The following RBM19 variants were observed in gnomAD, a reference collection of about 807,000 sequenced individuals.
RBM19 encodes RNA binding motif protein 19.
Under a neutral mutation model 116.8 loss-of-function variants are expected in RBM19, and 94 were observed. The observed-to-expected ratio is 0.80, with a 90% confidence interval of 0.68 to 0.95. The LOEUF is 0.95. Ranked by LOEUF, RBM19 falls within the 40% of genes least tolerant of loss-of-function variation. The pLI is 0.00. For missense variants in RBM19, 1,161 were observed against 1,220.7 expected, an observed-to-expected ratio of 0.95 and a Z score of 0.73; for synonymous variants, 475 against 494.1, an observed-to-expected ratio of 0.96 and a Z score of 0.51.
chr12:113,842,348 A>C (rs1028889692), intron 23 of RBM19, among the ~76,000 whole-genome samples: 1 of 152,226 alleles, frequency 6.6e-6, no homozygotes, highest in African/African-American at 2.4e-5. Flanking sequence ...AGAGTCCCTT[A>C]CACAAACATT....
intron 23 of RBM19, among the ~76,000 whole-genome samples, chr12:113,842,250 A>G (rs914914534): frequency 6.6e-6 from 1 of 152,158 alleles, no homozygotes; most frequent in Non-Finnish European, 1.5e-5. Context: ...AAGGCAGGGC[A>G]GAACCGCTGA....
At chr12:113,907,229 C>A (rs1038013306) in intron 21 of RBM19, among the ~76,000 whole-genome samples, 2 of 152,172 alleles carry the variant, frequency 1.3e-5, no homozygotes, top group African/African-American at 2.4e-5. Flanking sequence ...GTCTTCAGAA[C>A]GCTCATGCCA....
chr12:113,949,190 G>A (rs537799656), intron 9 of RBM19, among the ~76,000 whole-genome samples, 154 bp from the exon 10 acceptor site: 1 of 152,288 alleles, frequency 6.6e-6, no homozygotes, highest in East Asian at 1.9e-4. Flanking sequence ...ACCTGAGGCG[G>A]CAGCATAAGC....
intron 21 of RBM19, among the ~76,000 whole-genome samples, chr12:113,893,509 C>T (rs1881098200): frequency 6.6e-6 from 1 of 152,208 alleles, no homozygotes; most frequent in Non-Finnish European, 1.5e-5. Flanking sequence ...TCTTGATAAA[C>T]ACTGCGGATG....
chr12:113,919,566 G>A (rs147301708), intron 19 of RBM19, among the ~76,000 whole-genome samples: 15 of 152,290 alleles, frequency 9.8e-5, no homozygotes, highest in South Asian at 2.1e-4. Flanking sequence ...GTGAGACTCC[G>A]TCTCAAGAAA....
intron 21 of RBM19, among the ~76,000 whole-genome samples, chr12:113,862,421 A>T (rs1477148795): frequency 6.6e-6 from 1 of 152,112 alleles, no homozygotes; most frequent in African/African-American, 2.4e-5. Context: ...AATACTAATG[A>T]TCTCAGAGAG....
In RBM19 at chr12:113,960,043, G is replaced by A; in HGVS notation, c.339+16C>T. On this transcript the variant is annotated intron_variant, in intron 3 of 23. Transcript: ENST00000261741. ...GCTGGCAGTGGGGACAGAGGCTAGA[G>A]TGACCCTTTACATACTTTCTTAATT... 2 of 1,614,238 alleles carry A rather than the reference G, an allele frequency of 1.2e-6. No homozygotes were observed. Among genetic ancestry groups the A allele is most frequent in the Non-Finnish European group, 1.7e-6 (2 of 1,180,042 alleles).
intron 5 of RBM19, among the ~76,000 whole-genome samples, chr12:113,958,700 C>T (rs555129445): frequency 7.2e-5 from 11 of 152,262 alleles, no homozygotes; most frequent in South Asian, 2.1e-4. Flanking sequence ...CCACCAAGCA[C>T]GTACCCTCCT....
chr12:113,870,211 C>T (rs551352686), intron 21 of RBM19, among the ~76,000 whole-genome samples: 4 of 152,256 alleles, frequency 2.6e-5, no homozygotes, highest in Middle Eastern at 3.4e-3. Context: ...ACTGTGTCGC[C>T]GGCTCACACC....
At chr12:113,943,772 G>A (rs1870778181) in intron 13 of RBM19, among the ~76,000 whole-genome samples, 1 of 152,132 alleles carries the variant, frequency 6.6e-6, no homozygotes, top group South Asian at 2.1e-4. Flanking sequence ...TTGGTTAGCC[G>A]AGATCACAGC....
At chr12:113,855,276 T>C (rs1346585426) in intron 22 of RBM19, among the ~76,000 whole-genome samples, 1 of 149,292 alleles carries the variant, frequency 6.7e-6, no homozygotes, top group African/African-American at 2.4e-5. Flanking sequence ...GAAAGAACAC[T>C]GTTCTGGGAG....
In RBM19 at chr12:113,937,002, C is replaced by T; in HGVS notation, c.2068+5G>A. 1.9e-6 allele frequency: 3 copies of T among 1,613,800 alleles called. No individual in the cohort carries two copies. Among genetic ancestry groups the T allele is most frequent in the Non-Finnish European group, 2.5e-6 (3 of 1,179,896 alleles). On this transcript the variant is annotated splice_donor_5th_base_variant and intron_variant, in intron 16 of 23. Coordinates refer to ENST00000261741, the MANE Select transcript of RBM19 (RefSeq NM_016196.4). ...AGCCATCCTGGTCTCAGACTCAGCT[C>T]TTACCTGTTTCTGGCTCTGCTGGGT...
intron 21 of RBM19, among the ~76,000 whole-genome samples, chr12:113,908,490 T>G (rs1882215155): frequency 7.1e-6 from 1 of 141,342 alleles, no homozygotes; most frequent in African/African-American, 2.7e-5. Context: ...GCAAGCCTTG[T>G]AATTAAGATC....
intron 21 of RBM19, among the ~76,000 whole-genome samples, chr12:113,908,271 T>C (rs1882198957): frequency 6.6e-6 from 1 of 152,132 alleles, no homozygotes; most frequent in South Asian, 2.1e-4. Context: ...AAAGTACTGC[T>C]GACAACCAGG....
intron 1 of RBM19, among the ~76,000 whole-genome samples, chr12:113,965,453 T>G (rs1872793617): frequency 6.6e-6 from 1 of 151,704 alleles, no homozygotes; most frequent in Non-Finnish European, 1.5e-5. Context: ...AAAATCCTCA[T>G]CCCACAAAGC....
intron 23 of RBM19, among the ~76,000 whole-genome samples, chr12:113,836,758 T>C (rs1875930736): frequency 6.6e-6 from 1 of 151,862 alleles, no homozygotes. Context: ...TGTGGCCAGA[T>C]ATAAACATCC....
chr12:113,824,713 G>A (rs1046159195), intron 23 of RBM19, among the ~76,000 whole-genome samples: 58 of 152,024 alleles, frequency 3.8e-4, no homozygotes, highest in African/African-American at 1.3e-3. Flanking sequence ...TTCCCTCTGC[G>A]TGTTCCTGGG....
chr12:113,959,695 C>G lies in RBM19; in HGVS notation c.378+170G>C, dbSNP rs183013699. The stretch of plus-strand genomic sequence containing the variant: ...GCCTCCATCCTCTCCAGCCTCTTCC[C>G]TCTCCCAGTGTCCACCCTCTCCAGC... On this transcript the variant is annotated intron_variant, in intron 4 of 23. Coordinates refer to ENST00000261741, the MANE Select transcript of RBM19 (RefSeq NM_016196.4). Among the ~76,000 whole-genome samples, 5 of 152,088 alleles carry G rather than the reference C, an allele frequency of 3.3e-5. No homozygotes were observed. The South Asian group carries it at 8.3e-4, about 25-fold the overall frequency.
Position 113,823,177 on chromosome 12 carries a change from G to C in RBM19, c.*47C>G. The C allele has an allele frequency of 6.5e-7, 1 of 1,549,326 alleles. No individual in the cohort carries two copies. The highest frequency in any genetic ancestry group is 8.8e-7 in the Non-Finnish European group (1 of 1,135,174). On this transcript the variant is annotated 3_prime_UTR_variant, in exon 24 of 24. Coordinates refer to ENST00000261741, the MANE Select transcript of RBM19 (RefSeq NM_016196.4). ...GGTGAGTGCAGAAGCTGGAGCGGCT[G>C]TCCCGGTCCCCAGGGCCCCGGAGCC...
Sources: allele counts gnomAD v4.1 joint callset (sites outside exome capture counted in the v4.1 genomes callset), GRCh38; gene constraint gnomAD v4.1.1; transcripts MANE v1.5; gene names NCBI Gene and HGNC (gene_info 2026-07-23, HGNC 2026-07-21).